The following SCN8A variants were observed in gnomAD, a reference collection of about 807,000 sequenced individuals.
SCN8A encodes sodium channel protein type 8 subunit alpha.
A neutral mutation model predicts 184.1 loss-of-function variants in SCN8A; 30 were observed. That is an observed-to-expected ratio of 0.16 (90% CI 0.12 to 0.22). The LOEUF (loss-of-function observed/expected upper bound fraction) is 0.22, where lower values mean the gene tolerates loss of function less well. Ranked by LOEUF, SCN8A falls within the 10% of genes least tolerant of loss-of-function variation. SCN8A has a pLI of 1.00. For synonymous variants in SCN8A, 852 were observed against 907.0 expected (o/e 0.94, Z 1.09); for missense variants, 1,057 against 2,498.9 (o/e 0.42, Z 12.30).
At chr12:51,665,255 T>C (rs1941010104) in intron 2 of SCN8A, among the ~76,000 whole-genome samples, 1 of 152,160 alleles carries the variant, frequency 6.6e-6, no homozygotes, top group Non-Finnish European at 1.5e-5. Context: ...CCAAAGAGAG[T>C]GGGTCTCTGG....
At chr12:51,624,617 T>C (rs1221494314) in intron 1 of SCN8A, among the ~76,000 whole-genome samples, 1 of 152,124 alleles carries the variant, frequency 6.6e-6, no homozygotes, top group Admixed American at 6.5e-5. Flanking sequence ...TTTAGTTTAA[T>C]TAGATCCCAT....
chr12:51,701,243 A>AT, intron 8 of SCN8A, 36 bp downstream of exon 8: 1 of 1,403,390 alleles, frequency 7.1e-7, no homozygotes. Context: ...TCTTTCCTTA[A>AT]AATAATGTAC....
At chr12:51,703,012 C>A in intron 9 of SCN8A, 98 bp downstream of exon 9, 1 of 1,136,476 alleles carries the variant, frequency 8.8e-7, no homozygotes. Flanking sequence ...AGACATTATA[C>A]AAGATCTAAC....
intron 2 of SCN8A, among the ~76,000 whole-genome samples, chr12:51,665,064 A>T (rs4761827): frequency 6.6e-6 from 1 of 152,222 alleles, no homozygotes; most frequent in Non-Finnish European, 1.5e-5. Context: ...ACATGATCTC[A>T]TTTCTAATTT....
At chr12:51,694,591 C>T (rs537237894) in intron 6 of SCN8A, among the ~76,000 whole-genome samples, 22 of 152,300 alleles carry the variant, frequency 1.4e-4, no homozygotes, top group African/African-American at 4.6e-4. Flanking sequence ...GTCCAATTTG[C>T]CCCCACGTGG....
intron 26 of SCN8A, among the ~76,000 whole-genome samples, chr12:51,799,803 T>A (rs907035561): frequency 6.6e-6 from 1 of 152,218 alleles, no homozygotes; most frequent in Admixed American, 6.5e-5. Context: ...TTCTTGGTTG[T>A]AGGAGAGGCC....
chr12:51,793,248 A>G (rs920016274), intron 25 of SCN8A, among the ~76,000 whole-genome samples: 7 of 152,182 alleles, frequency 4.6e-5, no homozygotes, highest in African/African-American at 1.7e-4. Flanking sequence ...AAGAATCAAC[A>G]GGCCCTTCAG....
At position 51,757,455 on chromosome 12, in the gene SCN8A, G is replaced by A. The variant is rs528389049; in HGVS notation, c.2371-5048G>A. Among the ~76,000 whole-genome samples, 5 of 152,250 alleles carry A rather than the reference G, an allele frequency of 3.3e-5. No individual in the cohort carries two copies. The East Asian group carries it at 7.7e-4, about 23-fold the overall frequency. On this transcript the variant is annotated intron_variant, in intron 14 of 26. Transcript: ENST00000627620. ...AAAGAGAGGAGCATGCCAGACGCTCGTCACTTTCAAATAAGGCTGAATTTT... is the reference window on the plus strand; with the variant it reads ...AAAGAGAGGAGCATGCCAGACGCTCATCACTTTCAAATAAGGCTGAATTTT...
chr12:51,695,279 G>A (rs1261810480), intron 6 of SCN8A, among the ~76,000 whole-genome samples: 3 of 152,184 alleles, frequency 2.0e-5, no homozygotes, highest in African/African-American at 7.2e-5. Context: ...CATCTTAAAA[G>A]CTAACTCACC....
chr12:51,611,002 C>T (rs542360699), intron 1 of SCN8A, among the ~76,000 whole-genome samples: 1 of 152,258 alleles, frequency 6.6e-6, no homozygotes, highest in Non-Finnish European at 1.5e-5. Flanking sequence ...AAACTGCTGG[C>T]ATTTTGATTG....
At chr12:51,645,193 G>C (rs1166701184) in intron 1 of SCN8A, among the ~76,000 whole-genome samples, 1 of 147,066 alleles carries the variant, frequency 6.8e-6, no homozygotes, top group African/African-American at 2.5e-5. Context: ...CGCCCTGTCC[G>C]GGAGGGAGGT....
chr12:51,780,873 T>C, intron 21 of SCN8A, 102 bp downstream of exon 21: 1 of 1,302,018 alleles, frequency 7.7e-7, no homozygotes, highest in Non-Finnish European at 9.8e-7. Context: ...ACACGAATTC[T>C]GTGATGCAGC....
intron 1 of SCN8A, among the ~76,000 whole-genome samples, chr12:51,619,750 T>C (rs959065820): frequency 2.0e-5 from 3 of 152,178 alleles, no homozygotes; most frequent in Admixed American, 2.0e-4. Flanking sequence ...AAGAATATCA[T>C]AAAATGACTA....
In SCN8A at chr12:51,613,417, ATTC is replaced by A. The variant is rs1246088698; in HGVS notation, c.-55+22061_-55+22063del. ...ATAGATTTGTCTGTAGTATTTCCTTATTCTTTTAACATCTATGGAGGTCTATGG... is the reference window on the plus strand; with the variant it reads ...ATAGATTTGTCTGTAGTATTTCCTTATTTTAACATCTATGGAGGTCTATGG... On this transcript the variant is annotated intron_variant, in intron 1 of 26. Transcript: ENST00000627620. Among the ~76,000 whole-genome samples, 5 of 152,178 alleles carry A rather than the reference ATTC, an allele frequency of 3.3e-5. No homozygotes were observed. The East Asian group carries it at 9.7e-4, about 29-fold the overall frequency.
At chr12:51,714,344 A>C (rs1769856419) in intron 11 of SCN8A, among the ~76,000 whole-genome samples, 1 of 126,542 alleles carries the variant, frequency 7.9e-6, no homozygotes, top group Admixed American at 9.0e-5. Flanking sequence ...TTCTAGCATC[A>C]TGCATTGATC....
rs746729206 is a variant in SCN8A, at chr12:51,699,661, C to T, written c.798C>T (p.Ala266=). The change falls in exon 7 of 27, where the codon GCC becomes GCT. Residue 266 remains alanine, a synonymous_variant. Coordinates refer to ENST00000627620, the MANE Select transcript of SCN8A (RefSeq NM_001330260.2). ...CAGTGTTCTGCCTGAGTGTTTTTGCCTTGATCGGACTGCAGCTGTTCATGG... is the reference window on the plus strand; with the variant it reads ...CAGTGTTCTGCCTGAGTGTTTTTGCTTTGATCGGACTGCAGCTGTTCATGG... The part of the protein sequence containing the change: ...ILTVFCLSVF[A]LIGLQLFMGN... 6.2e-7 allele frequency: 1 copy of T among 1,614,080 alleles called. No individual in the cohort carries two copies. The highest frequency in any genetic ancestry group is 8.5e-7 in the Non-Finnish European group (1 of 1,179,998).
At chr12:51,664,879 C>T (rs564281249) in intron 2 of SCN8A, among the ~76,000 whole-genome samples, 6 of 152,144 alleles carry the variant, frequency 3.9e-5, no homozygotes, top group Non-Finnish European at 5.9e-5. Context: ...GCTCTCCCTC[C>T]CCCCATTCCC....
At chr12:51,613,950 T>G (rs1939777492) in intron 1 of SCN8A, among the ~76,000 whole-genome samples, 1 of 152,126 alleles carries the variant, frequency 6.6e-6, no homozygotes, top group Admixed American at 6.5e-5. Context: ...TTTGTTAGGG[T>G]TTGTTTTATG....
chr12:51,605,320 C>A (rs978141918), intron 1 of SCN8A, among the ~76,000 whole-genome samples: 9 of 152,172 alleles, frequency 5.9e-5, no homozygotes, highest in Non-Finnish European at 1.2e-4. Context: ...TAGCTTAGCT[C>A]CCACCTATCA....
Sources: gnomAD v4.1 joint callset for allele counts (sites outside exome capture counted in the v4.1 genomes callset) on GRCh38, gnomAD v4.1.1 for gene constraint, MANE v1.5 for transcripts, NCBI Gene and HGNC (gene_info 2026-07-23, HGNC 2026-07-21) for gene names.